The following KCNB2 variants were observed in gnomAD, a reference collection of about 807,000 sequenced individuals.
The protein encoded by KCNB2 is potassium voltage-gated channel subfamily B member 2.
Under a neutral mutation model 61.5 loss-of-function variants are expected in KCNB2, and 15 were observed. The ratio of observed to expected loss-of-function variants is 0.24; its 90% CI spans 0.16 to 0.38. The LOEUF (loss-of-function observed/expected upper bound fraction) is 0.38, where lower values mean the gene tolerates loss of function less well. KCNB2 is among the 10% of genes least tolerant of loss of function. KCNB2 has a pLI of 1.00. For synonymous variants in KCNB2, 457 were observed against 446.0 expected, an observed-to-expected ratio of 1.02 and a Z score of -0.31; for missense variants, 828 against 1,125.2, an observed-to-expected ratio of 0.74 and a Z score of 3.78.
intron 1 of KCNB2, among the ~76,000 whole-genome samples, chr8:72,546,775 G>T (rs1033608211): frequency 6.6e-6 from 1 of 152,010 alleles, no homozygotes; most frequent in Non-Finnish European, 1.5e-5. Flanking sequence ...GGGACTACAG[G>T]CATGCACCAC....
At position 72,729,309 on chromosome 8, in the gene KCNB2, T is replaced by C. The variant is rs116471685; in HGVS notation, c.579+160996T>C. Among the ~76,000 whole-genome samples, 112 of 152,314 alleles carry C rather than the reference T, an allele frequency of 7.4e-4. 1 individual carries two copies. The highest frequency in any genetic ancestry group is 2.7e-3 in the African/African-American group (112 of 41,572). ...GTGGTCCATTTTCTATTTTTTTAATTTGGAAATATTACTTTGGGCTTCTGC... is the reference window on the plus strand; with the variant it reads ...GTGGTCCATTTTCTATTTTTTTAATCTGGAAATATTACTTTGGGCTTCTGC... On this transcript the variant is annotated intron_variant, in intron 2 of 2. Coordinates refer to ENST00000523207, the MANE Select transcript of KCNB2 (RefSeq NM_004770.3).
chr8:72,561,790 C>G (rs77932583), intron 1 of KCNB2, among the ~76,000 whole-genome samples: 6 of 40,378 alleles, frequency 1.5e-4, no homozygotes, highest in Non-Finnish European at 2.7e-4. Flanking sequence ...TATATATATA[C>G]ATATATATAT....
At chr8:72,553,277 T>C (rs1413580858) in intron 1 of KCNB2, among the ~76,000 whole-genome samples, 1 of 152,162 alleles carries the variant, frequency 6.6e-6, no homozygotes, top group East Asian at 1.9e-4. Context: ...TGGTAGTTGC[T>C]TTTAATCCTT....
chr8:72,588,218 C>CTTTTTTTT (rs34803136), intron 2 of KCNB2, among the ~76,000 whole-genome samples: 1 of 132,838 alleles, frequency 7.5e-6, no homozygotes. Context: ...GGTTTCTTTT[C>CTTTTTTTT]TTTTTTTTTT....
At chr8:72,872,627 C>T (rs1049104351) in intron 2 of KCNB2, among the ~76,000 whole-genome samples, 2 of 152,158 alleles carry the variant, frequency 1.3e-5, no homozygotes, top group South Asian at 2.1e-4. Flanking sequence ...TGGTACATAA[C>T]AGTTAATGAG....
At chr8:72,721,715 C>A (rs1807553047) in intron 2 of KCNB2, among the ~76,000 whole-genome samples, 1 of 152,180 alleles carries the variant, frequency 6.6e-6, no homozygotes, top group Non-Finnish European at 1.5e-5. Flanking sequence ...GACATTGAGT[C>A]TGCATGGAGC....
intron 2 of KCNB2, among the ~76,000 whole-genome samples, chr8:72,756,052 G>A (rs1381453320): frequency 6.6e-6 from 1 of 152,158 alleles, no homozygotes; most frequent in Non-Finnish European, 1.5e-5. Context: ...TCTCACAAGT[G>A]GATCAGTCGA....
At chr8:72,784,945 A>G (rs1335766034) in intron 2 of KCNB2, among the ~76,000 whole-genome samples, 2 of 152,264 alleles carry the variant, frequency 1.3e-5, no homozygotes, top group African/African-American at 2.4e-5. Context: ...CTATGTTGCC[A>G]AGTTGTATTG....
At chr8:72,739,929 A>G (rs865891446) in intron 2 of KCNB2, among the ~76,000 whole-genome samples, 2 of 152,148 alleles carry the variant, frequency 1.3e-5, no homozygotes, top group Non-Finnish European at 2.9e-5. Context: ...TACACAAAAC[A>G]GACATTTAGT....
intron 2 of KCNB2, among the ~76,000 whole-genome samples, chr8:72,787,223 C>T (rs919689140): frequency 4.0e-5 from 6 of 151,708 alleles, no homozygotes; most frequent in Admixed American, 1.3e-4. Context: ...AGAAAGATCC[C>T]GTCTCTATAA....
Position 72,567,732 on chromosome 8 carries a change from A to G in KCNB2, c.-3A>G. The G allele has an allele frequency of 6.5e-7, 1 of 1,549,990 alleles. No homozygotes were observed. The highest frequency in any genetic ancestry group is 8.7e-7 in the Non-Finnish European group (1 of 1,151,818). On this transcript the variant is annotated 5_prime_UTR_variant, in exon 2 of 3. Coordinates refer to ENST00000523207, the MANE Select transcript of KCNB2 (RefSeq NM_004770.3). The stretch of plus-strand genomic sequence containing the variant: ...CTGGCTCTGCGGCTTTGTCCAGTTC[A>G]AAATGGCAGAAAAGGCTCCCCCGGG...
intron 2 of KCNB2, among the ~76,000 whole-genome samples, chr8:72,912,803 ATAC>A (rs1468323018): frequency 6.6e-6 from 1 of 152,104 alleles, no homozygotes; most frequent in African/African-American, 2.4e-5. Flanking sequence ...ACTGTTACCT[ATAC>A]CATCACTCAG....
At chr8:72,757,042 A>AGT (rs1808301454) in intron 2 of KCNB2, among the ~76,000 whole-genome samples, 1 of 152,156 alleles carries the variant, frequency 6.6e-6, no homozygotes, top group Admixed American at 6.5e-5. Context: ...TGATACTTAG[A>AGT]AGCTTGGGAG....
At chr8:72,725,056 A>C (rs1171431684) in intron 2 of KCNB2, among the ~76,000 whole-genome samples, 1 of 152,108 alleles carries the variant, frequency 6.6e-6, no homozygotes, top group African/African-American at 2.4e-5. Flanking sequence ...TAGAAAATCA[A>C]TCACTCCCCT....
At chr8:72,603,629 G>A (rs1585778773) in intron 2 of KCNB2, among the ~76,000 whole-genome samples, 1 of 152,130 alleles carries the variant, frequency 6.6e-6, no homozygotes, top group Non-Finnish European at 1.5e-5. Context: ...TTGTCCCAGA[G>A]TGAATCCTGT....
rs148691410 is a variant in KCNB2 at position 72,822,270 on chromosome 8, T to G, written c.580-113665T>G. ...TTTGCTGGTTAATTGTATATTTGCTTTATGTTTCCTCCCTTCTGGAAAGTT... is the reference window on the plus strand; with the variant it reads ...TTTGCTGGTTAATTGTATATTTGCTGTATGTTTCCTCCCTTCTGGAAAGTT... On this transcript the variant is annotated intron_variant, in intron 2 of 2. Coordinates refer to ENST00000523207, the MANE Select transcript of KCNB2 (RefSeq NM_004770.3). Among the ~76,000 whole-genome samples, 397 of 152,356 alleles carry G rather than the reference T, an allele frequency of 2.6e-3. 3 individuals carry two copies. Among genetic ancestry groups the G allele is most frequent in the African/African-American group, 6.7e-3 (278 of 41,588 alleles).
chr8:72,604,139 C>T (rs566360738), intron 2 of KCNB2, among the ~76,000 whole-genome samples: 2 of 152,236 alleles, frequency 1.3e-5, no homozygotes, highest in Admixed American at 1.3e-4. Flanking sequence ...AGTTATTCAT[C>T]CTGTCTGTAT....
chr8:72,789,508 C>A (rs938569330), intron 2 of KCNB2, among the ~76,000 whole-genome samples: 11 of 151,910 alleles, frequency 7.2e-5, no homozygotes, highest in African/African-American at 2.7e-4. Context: ...GAGAAGTTGA[C>A]CAGGTAGAGA....
intron 2 of KCNB2, among the ~76,000 whole-genome samples, chr8:72,925,726 G>C (rs932591222): frequency 3.3e-5 from 5 of 152,198 alleles, no homozygotes; most frequent in Admixed American, 6.5e-5. Flanking sequence ...ATTTGATCCA[G>C]TAATCCCATT....
Sources: gnomAD v4.1 joint callset for allele counts (sites outside exome capture counted in the v4.1 genomes callset) on GRCh38, gnomAD v4.1.1 for gene constraint, MANE v1.5 for transcripts, NCBI Gene and HGNC (gene_info 2026-07-23, HGNC 2026-07-21) for gene names.